RASSF8: variants seen among roughly 807,000 people sequenced by gnomAD.
The protein encoded by RASSF8 is ras association domain-containing protein 8.
RASSF8 carries 22 observed loss-of-function variants against 48.5 expected under a neutral mutation model. The ratio of observed to expected loss-of-function variants is 0.45; its 90% confidence interval spans 0.32 to 0.65. RASSF8 has a LOEUF of 0.65. RASSF8 is among the 30% of genes least tolerant of loss of function. The pLI is 0.03. For missense variants in RASSF8, 418 were observed against 489.2 expected (o/e 0.85, Z 1.37); for synonymous variants, 127 against 171.5 (o/e 0.74, Z 2.03).
intron 1 of RASSF8, among the ~76,000 whole-genome samples, chr12:25,966,159 G>C (rs1349918217): frequency 6.6e-6 from 1 of 152,194 alleles, no homozygotes; most frequent in Non-Finnish European, 1.5e-5. Flanking sequence ...CCACCAGCAG[G>C]TAAACATGCT....
At chr12:26,038,840 A>G (rs965945611) in intron 2 of RASSF8, among the ~76,000 whole-genome samples, 7 of 152,162 alleles carry the variant, frequency 4.6e-5, no homozygotes, top group African/African-American at 1.7e-4. Context: ...TTCAAAGACA[A>G]ATCCTTCCTA....
In RASSF8 at chr12:26,064,687, A is replaced by G; in HGVS notation, c.293A>G (p.Glu98Gly). ...PTSDSVARIP[E>G]RTLYRQSLPP... ...TCAGACAGTGTGGCTCGAATTCCTG[A>G]AAGAACTTTATACAGGCAGAGTCTG... The change falls in exon 4 of 6, where the codon GAA becomes GGA. Residue 98 changes from glutamate to glycine, a missense_variant. Physicochemically the swap from Glu to Gly is moderately conservative, Grantham distance 98. Coordinates refer to ENST00000689635, the MANE Select transcript of RASSF8 (RefSeq NM_001394098.1). The G allele has an allele frequency of 6.2e-7, 1 of 1,614,078 alleles. No individual in the cohort carries two copies. The highest frequency in any genetic ancestry group is 8.5e-7 in the Non-Finnish European group (1 of 1,179,974).
intron 2 of RASSF8, among the ~76,000 whole-genome samples, chr12:26,023,218 A>G (rs937262071): frequency 6.6e-6 from 1 of 152,194 alleles, no homozygotes; most frequent in Admixed American, 6.5e-5. Context: ...ACAAGGAGAG[A>G]GGGAAGAAAA....
chr12:25,969,807 G>T (rs1489795919), intron 1 of RASSF8, among the ~76,000 whole-genome samples: 1 of 152,090 alleles, frequency 6.6e-6, no homozygotes, highest in Non-Finnish European at 1.5e-5. Context: ...GGAGAGATGG[G>T]TATTTCTGGT....
At chr12:25,996,367 T>C (rs1565610216) in intron 2 of RASSF8, among the ~76,000 whole-genome samples, 1 of 152,242 alleles carries the variant, frequency 6.6e-6, no homozygotes, top group African/African-American at 2.4e-5. Context: ...CCATTACTGA[T>C]GAAGCTGTGC....
At chr12:26,002,537 A>T (rs1420307743) in intron 2 of RASSF8, among the ~76,000 whole-genome samples, 1 of 152,160 alleles carries the variant, frequency 6.6e-6, no homozygotes, top group Non-Finnish European at 1.5e-5. Context: ...GCACTTTGGG[A>T]GGCCAAGGCG....
intron 1 of RASSF8, among the ~76,000 whole-genome samples, chr12:25,981,996 A>C (rs1047421344): frequency 1.3e-5 from 2 of 152,230 alleles, no homozygotes; most frequent in Non-Finnish European, 2.9e-5. Context: ...ATAATATAAC[A>C]TGAATTTTTA....
At chr12:26,074,918 C>G (rs138426947), downstream of RASSF8, among the ~76,000 whole-genome samples, 133 of 152,188 alleles carry the variant, frequency 8.7e-4, 1 homozygote, top group African/African-American at 3.1e-3. Flanking sequence ...TGGACTTTAT[C>G]CTGACAGGCA....
chr12:26,018,783 A>G (rs1942715728), intron 2 of RASSF8, among the ~76,000 whole-genome samples: 1 of 152,196 alleles, frequency 6.6e-6, no homozygotes, highest in African/African-American at 2.4e-5. Flanking sequence ...CCCCAGACCC[A>G]GTGTCTGATG....
chr12:26,028,770 T>C (rs1342625101), intron 2 of RASSF8, among the ~76,000 whole-genome samples: 2 of 152,166 alleles, frequency 1.3e-5, no homozygotes, highest in Admixed American at 1.3e-4. Flanking sequence ...AAGGTCTCTT[T>C]ATTATATGTA....
intron 1 of RASSF8, among the ~76,000 whole-genome samples, chr12:25,980,411 C>T (rs1031170513): frequency 6.6e-6 from 1 of 152,188 alleles, no homozygotes. Flanking sequence ...ATGTTTTCTG[C>T]ATGGGGTAGG....
intron 4 of RASSF8, among the ~76,000 whole-genome samples, chr12:26,066,070 CT>C (rs1280017888): frequency 6.6e-6 from 1 of 152,046 alleles, no homozygotes; most frequent in Admixed American, 6.6e-5. Flanking sequence ...TACAATATGG[CT>C]ACTTAAATTT....
At chr12:26,031,897 T>C (rs1372896956) in intron 2 of RASSF8, among the ~76,000 whole-genome samples, 1 of 152,244 alleles carries the variant, frequency 6.6e-6, no homozygotes, top group Non-Finnish European at 1.5e-5. Flanking sequence ...CTATATGTTT[T>C]GCTTATAAAT....
Position 25,998,574 on chromosome 12 carries a change from C to G in RASSF8, c.-109+3444C>G, listed in dbSNP as rs189332568. ...ATTTTGGCCAGGATGGTCTCGATCT[C>G]TTGACCTCATGTTCCGCCCACCTCA... is the stretch of plus-strand genomic sequence containing the variant. On this transcript the variant is annotated intron_variant, in intron 2 of 5. Coordinates refer to ENST00000689635, the MANE Select transcript of RASSF8 (RefSeq NM_001394098.1). Among the ~76,000 whole-genome samples the G allele has an allele frequency of 3.0e-3, 460 of 152,234 alleles. 2 individuals carry two copies. Among genetic ancestry groups the G allele is most frequent in the African/African-American group, 9.3e-3 (385 of 41,554 alleles).
intron 4 of RASSF8, among the ~76,000 whole-genome samples, chr12:26,066,957 G>T (rs1269338094): frequency 6.6e-6 from 1 of 152,180 alleles, no homozygotes; most frequent in African/African-American, 2.4e-5. Flanking sequence ...CTTTGTCAAG[G>T]ATTTAGGAAT....
chr12:26,002,468 A>G (rs1218715434), intron 2 of RASSF8, among the ~76,000 whole-genome samples: 6 of 151,642 alleles, frequency 4.0e-5, no homozygotes, highest in Non-Finnish European at 8.8e-5. Context: ...AATAGAGTTA[A>G]TACCTGTATT....
rs377164659 is a variant in RASSF8, at chr12:25,962,268, A to G, written c.-203+3120A>G. Among the ~76,000 whole-genome samples the G allele has an allele frequency of 3.3e-5, 5 of 152,134 alleles. No individual in the cohort carries two copies. The East Asian group carries it at 7.7e-4, about 24-fold the overall frequency. On this transcript the variant is annotated intron_variant, in intron 1 of 5. Transcript: ENST00000689635. ...TGTGGCTCATGCTGTTGGTCTCCCT[A>G]TTTTAGGATCATCTCCTTGAGTAAC...
intron 1 of RASSF8, among the ~76,000 whole-genome samples, chr12:25,969,936 C>T (rs1456584152): frequency 3.3e-5 from 5 of 151,996 alleles, no homozygotes; most frequent in East Asian, 1.9e-4. Context: ...TTTATTTCCC[C>T]GACCCCCACT....
At chr12:25,965,363 C>CTTTTTT (rs11420016) in intron 1 of RASSF8, among the ~76,000 whole-genome samples, 2 of 116,884 alleles carry the variant, frequency 1.7e-5, no homozygotes, top group Non-Finnish European at 1.7e-5. Context: ...TCCCAAATTT[C>CTTTTTT]TTTTTTTTTT....
Sources: gnomAD v4.1 joint callset for allele counts (sites outside exome capture counted in the v4.1 genomes callset) on GRCh38, gnomAD v4.1.1 for gene constraint, MANE v1.5 for transcripts, NCBI Gene and HGNC (gene_info 2026-07-23, HGNC 2026-07-21) for gene names.